IST1: variants seen among roughly 807,000 people sequenced by gnomAD.
The protein encoded by IST1 is IST1 homolog.
IST1 carries 23 observed loss-of-function variants against 37.0 expected under a neutral mutation model. The observed-to-expected ratio is 0.62, with a 90% CI of 0.45 to 0.88. The LOEUF (loss-of-function observed/expected upper bound fraction) is 0.88, where lower values mean the gene tolerates loss of function less well. IST1 is among the 40% of genes least tolerant of loss of function. The pLI, the probability that IST1 is intolerant of heterozygous loss-of-function variation, is 0.00. For synonymous variants in IST1, 180 were observed against 161.7 expected (o/e 1.11, Z -0.86); for missense variants, 488 against 445.4 (o/e 1.10, Z -0.86).
At chr16:71,902,193 C>T (rs564714991) in intron 1 of IST1, among the ~76,000 whole-genome samples, 1 of 152,272 alleles carries the variant, frequency 6.6e-6, no homozygotes, top group Non-Finnish European at 1.5e-5. Flanking sequence ...TACTGATTTT[C>T]CTCAGATGTT....
At chr16:71,907,306 C>T (rs1277987299) in intron 1 of IST1, among the ~76,000 whole-genome samples, 5 of 144,470 alleles carry the variant, frequency 3.5e-5, no homozygotes, top group Non-Finnish European at 6.0e-5. Flanking sequence ...GAGACAGTCT[C>T]TCTCTCTGTC....
chr16:71,916,667 T>G, intron 3 of IST1, 25 bp downstream of exon 3: 2 of 1,583,436 alleles, frequency 1.3e-6, no homozygotes, highest in Non-Finnish European at 1.7e-6. Context: ...TTCAGAGACC[T>G]AAATCATTTC....
chr16:71,925,081 T>C (rs2037707919), intron 9 of IST1, among the ~76,000 whole-genome samples: 1 of 151,344 alleles, frequency 6.6e-6, no homozygotes, highest in South Asian at 2.1e-4. Flanking sequence ...GTTGTGATCT[T>C]GGCTCACTGC....
At chr16:71,920,406 T>C (rs1447862255) in intron 4 of IST1, among the ~76,000 whole-genome samples, 1 of 151,504 alleles carries the variant, frequency 6.6e-6, no homozygotes, top group Non-Finnish European at 1.5e-5. Flanking sequence ...ACTTATGATT[T>C]ATTCTTTAAC....
upstream of IST1, chr16:71,895,431 C>G: frequency 1.3e-6 from 1 of 793,156 alleles, no homozygotes; most frequent in Non-Finnish European, 1.5e-6. Flanking sequence ...GTCCCGGCAG[C>G]GGCGATCGCG....
intron 8 of IST1, among the ~76,000 whole-genome samples, chr16:71,923,923 G>A (rs541592978): frequency 2.0e-3 from 298 of 151,966 alleles, no homozygotes; most frequent in Non-Finnish European, 3.2e-3. Flanking sequence ...ACTTGTTTTT[G>A]ACCAGCCTTG....
intron 9 of IST1, among the ~76,000 whole-genome samples, chr16:71,925,474 C>G (rs2037720147): frequency 6.6e-6 from 1 of 151,544 alleles, no homozygotes; most frequent in African/African-American, 2.4e-5. Context: ...CGCCACCACG[C>G]CCAGCTAATT....
At chr16:71,909,330 A>G (rs1567464776) in intron 1 of IST1, among the ~76,000 whole-genome samples, 1 of 152,036 alleles carries the variant, frequency 6.6e-6, no homozygotes. Flanking sequence ...GTTCTTGAAC[A>G]CCGGCCTCAA....
intron 1 of IST1, among the ~76,000 whole-genome samples, chr16:71,897,091 C>A (rs2036989643): frequency 6.6e-6 from 1 of 151,722 alleles, no homozygotes; most frequent in Non-Finnish European, 1.5e-5. Flanking sequence ...GCACTCCCTG[C>A]AGCTTCGACC....
chr16:71,926,851 C>G (rs567405577), intron 9 of IST1, among the ~76,000 whole-genome samples: 2 of 151,976 alleles, frequency 1.3e-5, no homozygotes, highest in South Asian at 2.1e-4. Context: ...GGGGCATGAT[C>G]TTAATATAAA....
In IST1 at chr16:71,929,688, GAAGACAAA is replaced by G. The variant is rs763200054; in HGVS notation, c.*1880_*1887del. 8 of 1,526,108 alleles carry G rather than the reference GAAGACAAA, an allele frequency of 5.2e-6. No homozygotes were observed. The highest frequency in any genetic ancestry group is 1.4e-5 in the African/African-American group (1 of 71,570). The allele number at this position is 1,526,108 out of a possible 1,614,324, so 94.5% of individuals were successfully genotyped here. A position where few individuals can be genotyped will look rare whatever the true frequency, so the allele number is the denominator to read the frequency against. The stretch of plus-strand genomic sequence containing the variant: ...TTAGTGCAGCTTCTTTCTGAGTATT[GAAGACAAA>G]AAGAGAAAAGTGAGAAAATTGAAAT... On this transcript the variant is annotated 3_prime_UTR_variant, in exon 10 of 10. Coordinates refer to ENST00000378799, the MANE Select transcript of IST1 (RefSeq NM_001270975.2).
At chr16:71,913,405 A>G (rs2037401126) in intron 1 of IST1, among the ~76,000 whole-genome samples, 1 of 152,050 alleles carries the variant, frequency 6.6e-6, no homozygotes, top group Admixed American at 6.6e-5. Context: ...CTTGTATATC[A>G]TTTTTGGAGA....
At chr16:71,912,489 G>T (rs1345106230) in intron 1 of IST1, among the ~76,000 whole-genome samples, 1 of 151,444 alleles carries the variant, frequency 6.6e-6, no homozygotes, top group South Asian at 2.1e-4. Flanking sequence ...TGCCCACCTC[G>T]GCCTCCCAAA....
At chr16:71,915,565 G>C in intron 1 of IST1, 61 bp from the exon 2 acceptor site, 1 of 1,059,204 alleles carries the variant, frequency 9.4e-7, no homozygotes, top group South Asian at 1.4e-5. Context: ...ACCCCTAAGA[G>C]GTGTTAGTTC....
intron 6 of IST1, 52 bp from the exon 7 acceptor site, chr16:71,922,422 G>A: frequency 6.7e-7 from 1 of 1,491,708 alleles, no homozygotes. Context: ...GCTTTCTGGG[G>A]AACCTGGCCT....
chr16:71,927,599 C>T lies in IST1; in HGVS notation c.902-15C>T, dbSNP rs776624638. 7 of 1,593,764 alleles carry T rather than the reference C, an allele frequency of 4.4e-6. No individual in the cohort carries two copies. In the Admixed American group the frequency reaches 1.2e-4, roughly 27 times the overall value. On this transcript the variant is annotated splice_polypyrimidine_tract_variant and intron_variant, in intron 9 of 9. Coordinates refer to ENST00000378799, the MANE Select transcript of IST1 (RefSeq NM_001270975.2). ...TCTCTGGTATTTGTAACGTTGTGCT[C>T]CTTGCCCTAATTAGGTCCTGGACCC...
Position 71,929,616 on chromosome 16 carries a change from C to T in IST1, c.*1803C>T. ...CTTGCTCAGATGAGGTTTTTTGGGG[C>T]CAACTGATTCCTAACAAATTTGAGA... On this transcript the variant is annotated 3_prime_UTR_variant, in exon 10 of 10. Coordinates refer to ENST00000378799, the MANE Select transcript of IST1 (RefSeq NM_001270975.2). 2 of 1,551,708 alleles carry T rather than the reference C, an allele frequency of 1.3e-6. No homozygotes were observed. The highest frequency in any genetic ancestry group is 1.7e-6 in the Non-Finnish European group (2 of 1,146,914).
chr16:71,912,969 T>C (rs1483064417), intron 1 of IST1, among the ~76,000 whole-genome samples: 2 of 152,214 alleles, frequency 1.3e-5, no homozygotes. Context: ...CTCTGTTGTA[T>C]GTGTAGACCA....
intron 2 of IST1, 62 bp from the exon 3 acceptor site, chr16:71,916,400 G>C (rs1451484336): frequency 8.5e-6 from 13 of 1,528,520 alleles, no homozygotes; most frequent in Non-Finnish European, 8.1e-6. Context: ...GGGGGAGATT[G>C]GCCTGTAGGC....
Sources: allele counts gnomAD v4.1 joint callset (sites outside exome capture counted in the v4.1 genomes callset), GRCh38; gene constraint gnomAD v4.1.1; transcripts MANE v1.5; gene names NCBI Gene and HGNC (gene_info 2026-07-23, HGNC 2026-07-21).